KBTBD12: variants seen among roughly 807,000 people sequenced by gnomAD.
KBTBD12 encodes the protein kelch repeat and BTB domain containing 12, also known as kelch repeat and BTB domain-containing protein 12.
KBTBD12 carries 53 observed loss-of-function variants against 58.7 expected under a neutral mutation model. The ratio of observed to expected loss-of-function variants is 0.90; its 90% CI spans 0.72 to 1.14. The LOEUF (loss-of-function observed/expected upper bound fraction) is 1.14, where lower values mean the gene tolerates loss of function less well. KBTBD12 is among the 50% of genes most tolerant of loss of function. The pLI is 0.00. For synonymous variants in KBTBD12, 236 were observed against 259.8 expected, an observed-to-expected ratio of 0.91 and a Z score of 0.88; for missense variants, 704 against 751.3, an observed-to-expected ratio of 0.94 and a Z score of 0.74.
In KBTBD12 at chr3:127,984,254, G is replaced by T. The variant is rs569349085; in HGVS notation, c.1848G>T (p.Leu616Phe). Reference protein sequence around the residue: ...PRDLIPPPSDLVEEGNEH With the variant: ...PRDLIPPPSDFVEEGNEH ...ACCTCATCCCCCCGCCTTCAGATTT[G>T]GTGGAAGAAGGCAATGAGCACTAAG... Residue 616 changes from leucine (L) to phenylalanine (F), a missense_variant, in exon 6 of 6, where the codon TTG becomes TTT. Coordinates refer to ENST00000405109, the MANE Select transcript of KBTBD12 (RefSeq NM_207335.4). 2.5e-6 allele frequency: 4 copies of T among 1,613,692 alleles called. No individual in the cohort carries two copies. The highest frequency in any genetic ancestry group is 3.4e-6 in the Non-Finnish European group (4 of 1,179,808).
chr3:127,917,914 A>G (rs1455160703), intron 1 of KBTBD12, among the ~76,000 whole-genome samples: 1 of 152,238 alleles, frequency 6.6e-6, no homozygotes, highest in Admixed American at 6.5e-5. Flanking sequence ...CATCACAGAC[A>G]AGAATACAGA....
At chr3:127,948,307 G>T (rs1389720693) in intron 4 of KBTBD12, among the ~76,000 whole-genome samples, 1 of 150,942 alleles carries the variant, frequency 6.6e-6, no homozygotes, top group East Asian at 2.0e-4. Flanking sequence ...AGGCCTTGGG[G>T]AGTCCCTAGT....
intron 4 of KBTBD12, among the ~76,000 whole-genome samples, chr3:127,945,928 C>A (rs1197336436): frequency 6.6e-6 from 1 of 152,098 alleles, no homozygotes; most frequent in Non-Finnish European, 1.5e-5. Flanking sequence ...ATCTGCCTGT[C>A]TTGGCCTCTC....
chr3:127,961,224 A>G (rs1049352064), intron 4 of KBTBD12, among the ~76,000 whole-genome samples: 10 of 152,166 alleles, frequency 6.6e-5, no homozygotes, highest in Non-Finnish European at 1.3e-4. Flanking sequence ...TTGCCCTACA[A>G]ATAGGAAACT....
intron 4 of KBTBD12, among the ~76,000 whole-genome samples, chr3:127,959,890 G>C (rs1325399374): frequency 6.6e-6 from 1 of 152,180 alleles, no homozygotes; most frequent in African/African-American, 2.4e-5. Context: ...TAGGGACCAG[G>C]GTCTGAGTGT....
chr3:127,921,026 C>A (rs963772882), intron 1 of KBTBD12, among the ~76,000 whole-genome samples: 1 of 151,882 alleles, frequency 6.6e-6, no homozygotes, highest in African/African-American at 2.4e-5. Context: ...TGTGTCTATA[C>A]CCACAGTGGT....
intron 4 of KBTBD12, among the ~76,000 whole-genome samples, chr3:127,960,728 T>C (rs1940422700): frequency 6.6e-6 from 1 of 152,240 alleles, no homozygotes; most frequent in South Asian, 2.1e-4. Context: ...GTTCAGGCAT[T>C]AATGGTCAGA....
intron 1 of KBTBD12, among the ~76,000 whole-genome samples, chr3:127,916,655 A>G (rs1435021564): frequency 1.3e-5 from 2 of 149,612 alleles, no homozygotes; most frequent in Admixed American, 6.7e-5. Flanking sequence ...ATGCTGGAAT[A>G]TTTCAGCTTA....
rs1211537016 is a variant in KBTBD12 at position 127,985,503 on chromosome 3, G to T, written c.*1225G>T. 1 of 152,244 alleles carries T rather than the reference G, an allele frequency of 6.6e-6. No individual in the cohort carries two copies. Among genetic ancestry groups the T allele is most frequent in the African/African-American group, 2.4e-5 (1 of 41,440 alleles). 9.4% of individuals were successfully genotyped at this position (152,244 alleles called of 1,614,324 possible). A position where few individuals can be genotyped will look rare whatever the true frequency, so the allele number is the denominator to read the frequency against. ...TCCAAAGAGTTTCACATTGCACAAG[G>T]CTCTTTTGGAAGCAGGAGTGGTCAG... On this transcript the variant is annotated 3_prime_UTR_variant, in exon 6 of 6. Transcript: ENST00000405109.
intron 4 of KBTBD12, among the ~76,000 whole-genome samples, chr3:127,933,125 T>C (rs1405498559): frequency 6.6e-6 from 1 of 152,150 alleles, no homozygotes; most frequent in Non-Finnish European, 1.5e-5. Flanking sequence ...GGCAAATTTG[T>C]CAAAAACTAC....
intron 4 of KBTBD12, among the ~76,000 whole-genome samples, chr3:127,936,360 C>T (rs756325287): frequency 4.1e-5 from 6 of 145,838 alleles, no homozygotes; most frequent in East Asian, 2.0e-4. Flanking sequence ...AGCAAGACTC[C>T]GCTCAGGAGT....
rs2107588267 is a variant in KBTBD12 at position 127,923,191 on chromosome 3, T to C, written c.130T>C (p.Cys44Arg). Residue 44 changes from cysteine (C) to arginine (R), a missense_variant, in exon 2 of 6, where the codon TGC (cysteine) becomes CGC (arginine). Physicochemically the swap from Cys to Arg is radical, Grantham distance 180. Coordinates refer to ENST00000405109, the MANE Select transcript of KBTBD12 (RefSeq NM_207335.4). ...VLTAEGEKFP[C>R]HRLVLAAFSP... The stretch of plus-strand genomic sequence containing the variant: ...CACAGCAGAAGGAGAGAAATTTCCT[T>C]GCCACAGACTGGTCCTGGCTGCATT... 6.2e-7 allele frequency: 1 copy of C among 1,613,864 alleles called. No individual in the cohort carries two copies. The highest frequency in any genetic ancestry group is 2.2e-5 in the East Asian group (1 of 44,874).
In KBTBD12 at chr3:127,924,016, G is replaced by T. The variant is rs2107589193; in HGVS notation, c.955G>T (p.Gly319Cys). 1 of 1,613,726 alleles carries T rather than the reference G, an allele frequency of 6.2e-7. No homozygotes were observed. Among genetic ancestry groups the T allele is most frequent in the South Asian group, 1.1e-5 (1 of 91,070 alleles). ...CATCTCATCTCCCAAGTACGGAGAG[G>T]GTTTAGGAACTGTGTGTACTGGTGT... ...YFISSPKYGEGLGTVCTGVVM... is the reference protein window; with the variant it reads ...YFISSPKYGECLGTVCTGVVM... Residue 319 changes from glycine (G) to cysteine (C), a missense_variant, in exon 2 of 6, where the codon GGT (glycine) becomes TGT (cysteine). Coordinates refer to ENST00000405109, the MANE Select transcript of KBTBD12 (RefSeq NM_207335.4).
intron 5 of KBTBD12, among the ~76,000 whole-genome samples, chr3:127,970,342 G>A (rs1209368854): frequency 1.3e-5 from 2 of 152,158 alleles, no homozygotes; most frequent in African/African-American, 4.8e-5. Context: ...ATAAAATAAT[G>A]CAGCTGCTCT....
In KBTBD12 at chr3:127,980,369, G is replaced by A. The variant is rs192017440; in HGVS notation, c.1691-3728G>A. On this transcript the variant is annotated intron_variant, in intron 5 of 5. Transcript: ENST00000405109. ...TTTTGAGATGGAGTCTCGCTCTGTC[G>A]CGCAGGCTGGAATGCAGTGGTGCAA... is the stretch of plus-strand genomic sequence containing the variant. Among the ~76,000 whole-genome samples, 53 of 151,784 alleles carry A rather than the reference G, an allele frequency of 3.5e-4. No homozygotes were observed. The East Asian group carries it at 4.3e-3, about 12-fold the overall frequency.
intron 2 of KBTBD12, among the ~76,000 whole-genome samples, chr3:127,925,362 C>T (rs1225753554): frequency 4.6e-5 from 7 of 152,136 alleles, no homozygotes; most frequent in Admixed American, 2.6e-4. Flanking sequence ...CTCAGGGGTC[C>T]ATGCCACCAG....
At chr3:127,966,013 C>A (rs1157962273) in intron 5 of KBTBD12, among the ~76,000 whole-genome samples, 1 of 152,194 alleles carries the variant, frequency 6.6e-6, no homozygotes, top group Non-Finnish European at 1.5e-5. Context: ...AGCTGAAAGA[C>A]AGGAAGACCC....
At chr3:127,918,130 G>A (rs867071442) in intron 1 of KBTBD12, among the ~76,000 whole-genome samples, 1 of 152,234 alleles carries the variant, frequency 6.6e-6, no homozygotes. Context: ...CTGGGCAACA[G>A]GGCAAGACCC....
chr3:127,930,426 T>A lies in KBTBD12; in HGVS notation c.1492+143T>A, dbSNP rs942270089. ...TAGCTGAACTTTGTCTTTTATTTCT[T>A]GTTTTCTAGAGTACAGTCAAATAAG... On this transcript the variant is annotated intron_variant, in intron 4 of 5. Coordinates refer to ENST00000405109, the MANE Select transcript of KBTBD12 (RefSeq NM_207335.4). 5.3e-6 allele frequency: 4 copies of A among 756,618 alleles called. No homozygotes were observed. The African/African-American group carries it at 7.1e-5, about 13-fold the overall frequency. The allele number at this position is 756,618 out of a possible 1,614,324, so 46.9% of individuals were successfully genotyped here. A position where few individuals can be genotyped will look rare whatever the true frequency, so the allele number is the denominator to read the frequency against.
Sources: allele counts gnomAD v4.1 joint callset (sites outside exome capture counted in the v4.1 genomes callset), GRCh38; gene constraint gnomAD v4.1.1; transcripts MANE v1.5; gene names NCBI Gene and HGNC (gene_info 2026-07-23, HGNC 2026-07-21).